NREP: variants seen among roughly 807,000 people sequenced by gnomAD.
NREP encodes the protein neuronal regeneration-related protein.
In NREP, 5 loss-of-function variants were observed where a neutral mutation model predicts 8.6. The observed-to-expected ratio is 0.58, with a 90% CI of 0.30 to 1.22. The LOEUF is 1.22. Ranked by LOEUF, NREP falls within the 50% of genes most tolerant of loss-of-function variation. The pLI is 0.07. For missense variants in NREP, 86 were observed against 82.5 expected (o/e 1.04, Z -0.17); for synonymous variants, 27 against 28.0 (o/e 0.96, Z 0.11).
intron 2 of NREP, among the ~76,000 whole-genome samples, chr5:111,971,397 T>C (rs534078163): frequency 1.3e-5 from 2 of 152,126 alleles, no homozygotes; most frequent in African/African-American, 4.8e-5. Flanking sequence ...AGTCAATCTG[T>C]AGCAAAAAAC....
At chr5:111,860,802 CA>C (rs933375583) in intron 2 of NREP, among the ~76,000 whole-genome samples, 6 of 152,152 alleles carry the variant, frequency 3.9e-5, no homozygotes, top group Admixed American at 3.9e-4. Context: ...GCCATTACAC[CA>C]AAGCAAAGAA....
intron 2 of NREP, among the ~76,000 whole-genome samples, chr5:111,847,534 C>T (rs919364646): frequency 1.3e-5 from 2 of 152,140 alleles, no homozygotes; most frequent in African/African-American, 4.8e-5. Flanking sequence ...TAAGTATTAT[C>T]TCCATGCAAT....
chr5:111,829,849 G>A (rs73789516), intron 2 of NREP, among the ~76,000 whole-genome samples: 182 of 152,186 alleles, frequency 1.2e-3, no homozygotes, highest in African/African-American at 3.9e-3. Context: ...CCCACATAGC[G>A]TGCCATGGGC....
intron 2 of NREP, among the ~76,000 whole-genome samples, chr5:111,970,699 G>A (rs964232057): frequency 8.6e-5 from 13 of 151,902 alleles, no homozygotes; most frequent in Admixed American, 2.0e-4. Context: ...GGTGGCATGC[G>A]CCTGTAAGCC....
chr5:111,870,526 G>C (rs1237755473), intron 2 of NREP, among the ~76,000 whole-genome samples: 1 of 152,088 alleles, frequency 6.6e-6, no homozygotes, highest in Non-Finnish European at 1.5e-5. Context: ...TGATTTCATT[G>C]GTAAAATTAA....
intron 2 of NREP, among the ~76,000 whole-genome samples, chr5:111,753,747 A>G (rs1191500947): frequency 6.6e-6 from 1 of 152,172 alleles, no homozygotes. Context: ...TTTCTACTGT[A>G]TGTGGGCTAA....
intron 2 of NREP, among the ~76,000 whole-genome samples, chr5:111,839,248 T>G (rs565328091): frequency 6.6e-6 from 1 of 152,192 alleles, no homozygotes; most frequent in African/African-American, 2.4e-5. Flanking sequence ...AACAAGAACC[T>G]AAGGCTATGA....
At chr5:111,897,206 A>G (rs940004651) in intron 2 of NREP, among the ~76,000 whole-genome samples, 9 of 152,146 alleles carry the variant, frequency 5.9e-5, no homozygotes, top group Admixed American at 1.3e-4. Flanking sequence ...ATATTTGGAT[A>G]CCCATTTTTA....
chr5:111,747,962 G>A (rs1346562926), intron 2 of NREP, among the ~76,000 whole-genome samples: 1 of 152,152 alleles, frequency 6.6e-6, no homozygotes, highest in Non-Finnish European at 1.5e-5. Flanking sequence ...AACCAGGGCA[G>A]ATTTGGTCTA....
At chr5:111,967,682 T>C (rs1368514501) in intron 2 of NREP, among the ~76,000 whole-genome samples, 1 of 151,734 alleles carries the variant, frequency 6.6e-6, no homozygotes, top group Non-Finnish European at 1.5e-5. Context: ...TGCCGCCCCA[T>C]CTGGGATGTG....
intron 2 of NREP, among the ~76,000 whole-genome samples, chr5:111,847,993 G>C (rs1753222648): frequency 6.6e-6 from 1 of 152,096 alleles, no homozygotes; most frequent in Non-Finnish European, 1.5e-5. Flanking sequence ...CCTAGGAAAG[G>C]CTCTTGCCTC....
chr5:111,891,025 G>A (rs1024273719), intron 2 of NREP, among the ~76,000 whole-genome samples: 5 of 152,240 alleles, frequency 3.3e-5, no homozygotes, highest in African/African-American at 1.2e-4. Flanking sequence ...CACATGGCCA[G>A]TCTGCAAGTT....
At chr5:111,840,759 A>G (rs1753009473) in intron 2 of NREP, among the ~76,000 whole-genome samples, 1 of 152,170 alleles carries the variant, frequency 6.6e-6, no homozygotes, top group South Asian at 2.1e-4. Flanking sequence ...TCCACAAGTC[A>G]AGGAGATAAA....
At chr5:111,788,134 G>T (rs1019177185) in intron 2 of NREP, among the ~76,000 whole-genome samples, 1 of 152,066 alleles carries the variant, frequency 6.6e-6, no homozygotes, top group African/African-American at 2.4e-5. Flanking sequence ...GAAAAGAAAA[G>T]AAACATCAGC....
At chr5:111,972,523 C>T (rs1756850418) in intron 2 of NREP, among the ~76,000 whole-genome samples, 1 of 152,162 alleles carries the variant, frequency 6.6e-6, no homozygotes, top group South Asian at 2.1e-4. Context: ...TATTTACTGA[C>T]AACATTTACT....
intron 2 of NREP, among the ~76,000 whole-genome samples, chr5:111,863,144 A>G (rs1366402542): frequency 2.6e-5 from 4 of 152,010 alleles, no homozygotes; most frequent in African/African-American, 9.7e-5. Flanking sequence ...CAGGTAAAAA[A>G]TGGTGGTGGT....
At chr5:111,945,831 G>C (rs1217464756) in intron 2 of NREP, among the ~76,000 whole-genome samples, 3 of 151,876 alleles carry the variant, frequency 2.0e-5, no homozygotes, top group Admixed American at 6.6e-5. Context: ...AAAGAGGGAA[G>C]GTGATCACCA....
At chr5:111,830,982 G>A (rs1023248897) in intron 2 of NREP, among the ~76,000 whole-genome samples, 6 of 152,142 alleles carry the variant, frequency 3.9e-5, no homozygotes, top group Non-Finnish European at 7.4e-5. Context: ...AGTGATGGAA[G>A]GAATTCTCCT....
At chr5:111,851,210 A>G (rs537377246) in intron 2 of NREP, among the ~76,000 whole-genome samples, 19 of 152,252 alleles carry the variant, frequency 1.2e-4, no homozygotes, top group Admixed American at 5.2e-4. Flanking sequence ...ATCCCATAAG[A>G]TATGTCTTTC....
Sources: allele counts gnomAD v4.1 joint callset (sites outside exome capture counted in the v4.1 genomes callset), GRCh38; gene constraint gnomAD v4.1.1; transcripts MANE v1.5; gene names NCBI Gene and HGNC (gene_info 2026-07-23, HGNC 2026-07-21).